The following ME3 variants were observed in gnomAD, a reference collection of about 807,000 sequenced individuals.
ME3 encodes malic enzyme 3.
ME3 carries 48 observed loss-of-function variants against 68.9 expected under a neutral mutation model. The observed-to-expected ratio is 0.70, with a 90% CI of 0.55 to 0.89. The LOEUF is 0.89. ME3 is among the 40% of genes least tolerant of loss of function. The pLI is 0.00. For missense variants in ME3, 675 were observed against 797.4 expected (o/e 0.85, Z 1.85); for synonymous variants, 320 against 318.8 (o/e 1.00, Z -0.04).
At chr11:86,629,028 G>A (rs527744297) in intron 2 of ME3, among the ~76,000 whole-genome samples, 13 of 152,318 alleles carry the variant, frequency 8.5e-5, no homozygotes, top group Admixed American at 2.6e-4. Context: ...CAATTAAACA[G>A]GGTCTGCAAA....
At chr11:86,463,110 C>T (rs977305725) in intron 8 of ME3, among the ~76,000 whole-genome samples, 8 of 152,176 alleles carry the variant, frequency 5.3e-5, no homozygotes, top group South Asian at 2.1e-4. Flanking sequence ...GGCACATTAT[C>T]GCAGCAGTTT....
At chr11:86,577,716 T>G (rs548136189) in intron 2 of ME3, among the ~76,000 whole-genome samples, 3 of 152,252 alleles carry the variant, frequency 2.0e-5, no homozygotes, top group Non-Finnish European at 4.4e-5. Context: ...ATTACACAAG[T>G]GTCTATATGC....
intron 4 of ME3, among the ~76,000 whole-genome samples, chr11:86,520,065 C>A (rs1000737465): frequency 2.2e-4 from 34 of 152,184 alleles, no homozygotes; most frequent in Non-Finnish European, 5.9e-5. Context: ...ACTTCCTGTA[C>A]CTTGGAAAGC....
At chr11:86,624,150 T>C (rs886575756) in intron 2 of ME3, among the ~76,000 whole-genome samples, 3 of 152,182 alleles carry the variant, frequency 2.0e-5, no homozygotes, top group Non-Finnish European at 4.4e-5. Context: ...TGTTGGGAAG[T>C]TGAAGCTGGC....
chr11:86,604,439 C>G (rs527601510), intron 2 of ME3, among the ~76,000 whole-genome samples: 114 of 152,060 alleles, frequency 7.5e-4, no homozygotes, highest in African/African-American at 2.7e-3. Flanking sequence ...AGGGTTGTCT[C>G]TTACAAGAAA....
At chr11:86,465,105 T>C (rs1950412962) in exon 8 of ME3, 4 of 1,612,678 alleles carry the variant, frequency 2.5e-6, no homozygotes, top group Non-Finnish European at 3.4e-6. Flanking sequence ...GATGTCATCA[T>C]TGAACATGCA....
At chr11:86,521,431 A>AAAAAAAAAATAATAATAAT (rs1271326906) in intron 4 of ME3, among the ~76,000 whole-genome samples, 15 of 145,988 alleles carry the variant, frequency 1.0e-4, no homozygotes, top group Non-Finnish European at 1.9e-4. Flanking sequence ...AACAAAACAA[A>AAAAAAAAAATAATAATAAT]AATAATAATA....
intron 2 of ME3, among the ~76,000 whole-genome samples, chr11:86,602,110 T>C (rs1361898511): frequency 1.5e-4 from 23 of 150,760 alleles, no homozygotes; most frequent in Middle Eastern, 3.4e-3. Flanking sequence ...CCAGGGCAAT[T>C]AGGCAGGAGA....
chr11:86,610,345 G>C (rs1942470037), intron 2 of ME3, among the ~76,000 whole-genome samples: 1 of 152,034 alleles, frequency 6.6e-6, no homozygotes, highest in Non-Finnish European at 1.5e-5. Flanking sequence ...AAAGTGATCT[G>C]CAAGCAGAAA....
chr11:86,560,788 CAGGAT>C (rs1356735140), intron 2 of ME3, among the ~76,000 whole-genome samples: 1 of 115,874 alleles, frequency 8.6e-6, no homozygotes, highest in Admixed American at 9.5e-5. Flanking sequence ...AGGACCCATC[CAGGAT>C]CTTGTATTAA....
At chr11:86,533,369 T>C (rs1307699210) in intron 4 of ME3, among the ~76,000 whole-genome samples, 2 of 152,146 alleles carry the variant, frequency 1.3e-5, no homozygotes, top group Admixed American at 1.3e-4. Context: ...TGAACAATTA[T>C]ATATCAAAGA....
intron 12 of ME3, chr11:86,446,821 G>T (rs1949328791): frequency 1.6e-6 from 1 of 608,290 alleles, no homozygotes; most frequent in Non-Finnish European, 2.8e-6. Flanking sequence ...AAAGCTCTGT[G>T]TTATTTAGGG....
intron 2 of ME3, among the ~76,000 whole-genome samples, chr11:86,669,164 TC>T (rs1210330134): frequency 8.5e-5 from 13 of 152,088 alleles, no homozygotes; most frequent in African/African-American, 3.1e-4. Context: ...TCACAGTAAC[TC>T]CCAGGAAGCA....
chr11:86,644,356 T>C (rs937192505), intron 2 of ME3, among the ~76,000 whole-genome samples: 7 of 152,162 alleles, frequency 4.6e-5, no homozygotes, highest in African/African-American at 1.7e-4. Context: ...CTAATGTAAG[T>C]CAAAAGCACT....
intron 2 of ME3, among the ~76,000 whole-genome samples, chr11:86,654,881 T>G (rs974644641): frequency 6.6e-6 from 1 of 152,174 alleles, no homozygotes; most frequent in Non-Finnish European, 1.5e-5. Context: ...CTTAAGCTGA[T>G]AAGCAACTTC....
chr11:86,478,443 T>G lies in ME3; in HGVS notation c.809+8894A>C, dbSNP rs552006014. On this transcript the variant is annotated intron_variant, in intron 7 of 14. Transcript: ENST00000543262. Reference sequence around the variant, plus strand: ...AAATGAATTCTACAGCCAGTAAGATTACAGTCAGGGCAAGAGTATCAGGCC... The same window carrying G: ...AAATGAATTCTACAGCCAGTAAGATGACAGTCAGGGCAAGAGTATCAGGCC... 2.6e-5 allele frequency among the ~76,000 whole-genome samples: 4 copies of G among 152,036 alleles called. No individual in the cohort carries two copies. In the South Asian group the frequency reaches 6.2e-4, roughly 24 times the overall value.
At chr11:86,456,731 C>G (rs1432954212) in intron 8 of ME3, among the ~76,000 whole-genome samples, 3 of 152,028 alleles carry the variant, frequency 2.0e-5, no homozygotes, top group Non-Finnish European at 4.4e-5. Flanking sequence ...GAGGGGAGCT[C>G]AGAACAATGG....
At chr11:86,487,867 G>A (rs138614522) in intron 6 of ME3, among the ~76,000 whole-genome samples, 107 of 152,286 alleles carry the variant, frequency 7.0e-4, no homozygotes, top group African/African-American at 2.5e-3. Flanking sequence ...AGTAACACTC[G>A]CAGTTGTGGC....
At chr11:86,438,494 G>A (rs1051236443), downstream of ME3, among the ~76,000 whole-genome samples, 2 of 152,092 alleles carry the variant, frequency 1.3e-5, no homozygotes, top group African/African-American at 4.8e-5. Context: ...ATCATAGAAT[G>A]ATTTGGGAAG....
Sources: gnomAD v4.1 joint callset for allele counts (sites outside exome capture counted in the v4.1 genomes callset) on GRCh38, gnomAD v4.1.1 for gene constraint, MANE v1.5 for transcripts, NCBI Gene and HGNC (gene_info 2026-07-23, HGNC 2026-07-21) for gene names.